The following ADGB variants were observed in gnomAD, a reference collection of about 807,000 sequenced individuals.
ADGB encodes the protein calpain-7-like protein.
A neutral mutation model predicts 210.5 loss-of-function variants in ADGB; 172 were observed. The observed-to-expected ratio is 0.82, with a 90% CI of 0.72 to 0.93. The LOEUF is 0.93. ADGB is among the 40% of genes least tolerant of loss of function. The probability of loss-of-function intolerance (pLI) is 0.00; values close to 1 mark genes in which losing one functional copy is unlikely to be tolerated. For missense variants in ADGB, 2,025 were observed against 1,964.8 expected, an observed-to-expected ratio of 1.03 and a Z score of -0.58; for synonymous variants, 658 against 662.7, an observed-to-expected ratio of 0.99 and a Z score of 0.11.
intron 29 of ADGB, among the ~76,000 whole-genome samples, chr6:146,780,465 C>T (rs1035440165): frequency 4.7e-4 from 71 of 151,770 alleles, no homozygotes; most frequent in African/African-American, 1.5e-3. Context: ...AACATAGTTT[C>T]AAAAATACAA....
intron 27 of ADGB, among the ~76,000 whole-genome samples, chr6:146,755,974 G>C (rs532492118): frequency 3.3e-5 from 5 of 151,946 alleles, no homozygotes; most frequent in African/African-American, 1.2e-4. Flanking sequence ...TTTTGTTTTA[G>C]TTATATAGGT....
At chr6:146,802,626 G>A (rs570794971) in intron 35 of ADGB, 1 of 633,066 alleles carries the variant, frequency 1.6e-6, no homozygotes, top group East Asian at 3.0e-5. Context: ...ACTTCAATGT[G>A]AAGCAGATTG....
At chr6:146,758,948 G>A (rs143345053) in intron 27 of ADGB, among the ~76,000 whole-genome samples, 82 of 151,660 alleles carry the variant, frequency 5.4e-4, no homozygotes, top group African/African-American at 1.7e-3. Flanking sequence ...CTTCAAACAG[G>A]GTGTTGTTTT....
intron 13 of ADGB, among the ~76,000 whole-genome samples, chr6:146,705,358 T>C (rs1776554164): frequency 6.6e-6 from 1 of 152,168 alleles, no homozygotes; most frequent in African/African-American, 2.4e-5. Flanking sequence ...TTACTCCTGA[T>C]CTTAGAAGTA....
intron 29 of ADGB, among the ~76,000 whole-genome samples, chr6:146,769,930 C>A (rs989403040): frequency 2.0e-5 from 3 of 152,162 alleles, no homozygotes; most frequent in African/African-American, 7.2e-5. Context: ...AGTATACATA[C>A]AACACGCTTA....
rs1490263585 is a variant in ADGB, at chr6:146,801,922, A to G, written c.4729A>G (p.Arg1577Gly). 8 of 1,551,316 alleles carry G rather than the reference A, an allele frequency of 5.2e-6. No individual in the cohort carries two copies. The highest frequency in any genetic ancestry group is 2.0e-5 in the Admixed American group (1 of 50,924). ...AGAAATTCATCAGTTTCGACAGCATAGGACCAGAGTCCTTAGCATTCGAAA... is the reference window on the plus strand; with the variant it reads ...AGAAATTCATCAGTTTCGACAGCATGGGACCAGAGTCCTTAGCATTCGAAA... ...AEEIHQFRQH[R>G]TRVLSIRNID... Residue 1577 changes from arginine to glycine, a missense_variant, in exon 35 of 36, where the codon AGG becomes GGG. Transcript: ENST00000397944.
intron 29 of ADGB, among the ~76,000 whole-genome samples, chr6:146,771,898 A>G (rs913887489): frequency 1.9e-4 from 29 of 152,300 alleles, no homozygotes; most frequent in Non-Finnish European, 3.4e-4. Flanking sequence ...AAGAATTTCA[A>G]TGGATCAGAG....
chr6:146,745,882 A>G lies in ADGB; in HGVS notation c.3178-40A>G, dbSNP rs912216535. 3.4e-6 allele frequency: 5 copies of G among 1,456,112 alleles called. No homozygotes were observed. The Admixed American group carries it at 6.5e-5, about 19-fold the overall frequency. The allele number at this position is 1,456,112 out of a possible 1,614,324, so 90.2% of individuals were successfully genotyped here. On this transcript the variant is annotated intron_variant, in intron 25 of 35. Coordinates refer to ENST00000397944, the MANE Select transcript of ADGB (RefSeq NM_024694.4). ...ATATTGTACATTCGATAGAATAATAACGACATAATTCATTTCTGTGTAATT... is the reference window on the plus strand; with the variant it reads ...ATATTGTACATTCGATAGAATAATAGCGACATAATTCATTTCTGTGTAATT...
chr6:146,796,366 A>G (rs1367297348), intron 33 of ADGB, among the ~76,000 whole-genome samples: 2 of 152,162 alleles, frequency 1.3e-5, no homozygotes, highest in East Asian at 1.9e-4. Flanking sequence ...ATTTGGAACC[A>G]AAAAAGAGCC....
intron 1 of ADGB, among the ~76,000 whole-genome samples, chr6:146,634,823 C>A (rs955479181): frequency 1.3e-5 from 2 of 151,842 alleles, no homozygotes; most frequent in Non-Finnish European, 2.9e-5. Flanking sequence ...GACCACCCCC[C>A]CAAATTTCCA....
In ADGB at chr6:146,774,891, C is replaced by T. The variant is rs114945165; in HGVS notation, c.3862+5760C>T. Among the ~76,000 whole-genome samples, 1,301 of 152,154 alleles carry T rather than the reference C, an allele frequency of 8.6e-3. 21 individuals are homozygous for T. Among genetic ancestry groups the T allele is most frequent in the African/African-American group, 0.03 (1,238 of 41,528 alleles). On this transcript the variant is annotated intron_variant, in intron 29 of 35. Coordinates refer to ENST00000397944, the MANE Select transcript of ADGB (RefSeq NM_024694.4). ...GGGCTGAAGGGATTCTCGTGCCTCA[C>T]CCTCCCAAGTAGCTGGGATTACAGA...
intron 27 of ADGB, among the ~76,000 whole-genome samples, chr6:146,756,125 T>C (rs1341383528): frequency 6.6e-6 from 1 of 152,078 alleles, no homozygotes; most frequent in Non-Finnish European, 1.5e-5. Context: ...CCCATCATCT[T>C]ACACAGGCTT....
intron 1 of ADGB, among the ~76,000 whole-genome samples, chr6:146,619,153 G>C (rs1780848257): frequency 6.7e-6 from 1 of 148,938 alleles, no homozygotes; most frequent in Non-Finnish European, 1.5e-5. Flanking sequence ...TACAATTCTT[G>C]ACTTAAAGTT....
intron 3 of ADGB, among the ~76,000 whole-genome samples, chr6:146,650,743 G>A (rs114549253): frequency 0.015 from 2,287 of 151,634 alleles, 49 homozygotes; most frequent in African/African-American, 0.048. Flanking sequence ...GTGCAATTGA[G>A]ACCATTTCAA....
At chr6:146,789,288 G>A (rs779451951) in intron 33 of ADGB, among the ~76,000 whole-genome samples, 1 of 152,162 alleles carries the variant, frequency 6.6e-6, no homozygotes, top group Non-Finnish European at 1.5e-5. Context: ...CCTAGACTGT[G>A]CTGGAACAGT....
chr6:146,767,678 T>C (rs1287335171), intron 28 of ADGB, among the ~76,000 whole-genome samples: 1 of 148,748 alleles, frequency 6.7e-6, no homozygotes, highest in Non-Finnish European at 1.5e-5. Flanking sequence ...CTCTACCATG[T>C]TGGCCAGGCT....
At chr6:146,624,461 C>T (rs949639921) in intron 1 of ADGB, among the ~76,000 whole-genome samples, 2 of 151,764 alleles carry the variant, frequency 1.3e-5, no homozygotes, top group East Asian at 1.9e-4. Context: ...TGTTTTCTCT[C>T]CTATATTCTT....
chr6:146,670,313 C>G (rs1775990104), intron 7 of ADGB, among the ~76,000 whole-genome samples: 1 of 152,206 alleles, frequency 6.6e-6, no homozygotes, highest in East Asian at 1.9e-4. Context: ...GAGATCTACA[C>G]TGTCTGATTC....
intron 1 of ADGB, among the ~76,000 whole-genome samples, chr6:146,612,221 C>T (rs1402890043): frequency 2.0e-5 from 3 of 152,174 alleles, no homozygotes; most frequent in South Asian, 2.1e-4. Flanking sequence ...CTTAGTTTCT[C>T]TTCTTTCCCT....
Sources: gnomAD v4.1 joint callset for allele counts (sites outside exome capture counted in the v4.1 genomes callset) on GRCh38, gnomAD v4.1.1 for gene constraint, MANE v1.5 for transcripts, NCBI Gene and HGNC (gene_info 2026-07-23, HGNC 2026-07-21) for gene names.